The following RAPGEF5 variants were observed in gnomAD, a reference collection of about 807,000 sequenced individuals.
RAPGEF5 encodes Rap guanine nucleotide exchange factor 5, also known as M-Ras-regulated GEF.
A neutral mutation model predicts 125.2 loss-of-function variants in RAPGEF5; 65 were observed. The observed-to-expected ratio is 0.52, with a 90% CI of 0.43 to 0.64. RAPGEF5 has a LOEUF of 0.64. Ranked by LOEUF, RAPGEF5 falls within the 30% of genes least tolerant of loss-of-function variation. The pLI is 0.00. For missense variants in RAPGEF5, 958 were observed against 1,048.1 expected, an observed-to-expected ratio of 0.91 and a Z score of 1.19; for synonymous variants, 391 against 385.9, an observed-to-expected ratio of 1.01 and a Z score of -0.16.
chr7:22,327,412 T>C (rs1307343189), intron 1 of RAPGEF5, among the ~76,000 whole-genome samples: 3 of 152,254 alleles, frequency 2.0e-5, no homozygotes, highest in Non-Finnish European at 4.4e-5. Context: ...TACTTATAAA[T>C]GTCCAGTGTC....
chr7:22,294,082 C>G (rs1168841178), intron 5 of RAPGEF5, among the ~76,000 whole-genome samples: 1 of 152,004 alleles, frequency 6.6e-6, no homozygotes, highest in Non-Finnish European at 1.5e-5. Context: ...TGCATGTTTT[C>G]CATTATTACT....
At chr7:22,157,290 TTCA>T in intron 15 of RAPGEF5, among the ~76,000 whole-genome samples, 1 of 152,212 alleles carries the variant, frequency 6.6e-6, no homozygotes, top group South Asian at 2.1e-4. Context: ...TTGAGATGGT[TTCA>T]GTACCTCTGC....
At chr7:22,341,221 G>A (rs1395579951) in intron 1 of RAPGEF5, among the ~76,000 whole-genome samples, 2 of 152,198 alleles carry the variant, frequency 1.3e-5, no homozygotes, top group African/African-American at 4.8e-5. Context: ...GCAGACAAGA[G>A]AAAAGAGCTT....
intron 16 of RAPGEF5, 30 bp from the exon 17 acceptor site, chr7:22,154,634 CAG>C: frequency 6.2e-7 from 1 of 1,607,702 alleles, no homozygotes; most frequent in Non-Finnish European, 8.5e-7. Context: ...TGTTTGGAAA[CAG>C]AGAACAGTGG....
chr7:22,200,790 C>G (rs1310995556), intron 9 of RAPGEF5, among the ~76,000 whole-genome samples: 1 of 152,160 alleles, frequency 6.6e-6, no homozygotes, highest in East Asian at 1.9e-4. Context: ...ACCCTAAAAC[C>G]AGAGCAAGCC....
At chr7:22,134,406 T>TA (rs1379804755) in intron 23 of RAPGEF5, among the ~76,000 whole-genome samples, 6 of 152,086 alleles carry the variant, frequency 3.9e-5, no homozygotes, top group Non-Finnish European at 5.9e-5. Context: ...GTGTTTTCAG[T>TA]AAAAAAAGGG....
intron 4 of RAPGEF5, among the ~76,000 whole-genome samples, chr7:22,309,028 C>T (rs1368199572): frequency 6.6e-6 from 1 of 152,124 alleles, no homozygotes; most frequent in Non-Finnish European, 1.5e-5. Flanking sequence ...AAAAACCCTA[C>T]AATGTACGGG....
At position 22,219,892 on chromosome 7, in the gene RAPGEF5, T is replaced by G. The variant is rs574689881; in HGVS notation, c.970A>C (p.Lys324Gln). 1.2e-6 allele frequency: 2 copies of G among 1,612,782 alleles called. No homozygotes were observed. The highest frequency in any genetic ancestry group is 2.7e-5 in the African/African-American group (2 of 74,926). ...TGTTCAGACTTCTCCTGTTCTTTTTTGTCCGTCTGCAAAAACTGATAGTTT... is the reference window on the plus strand; with the variant it reads ...TGTTCAGACTTCTCCTGTTCTTTTTGGTCCGTCTGCAAAAACTGATAGTTT... ...KENYQFLQTDKKEQEKSEHQD... is the reference protein window; with the variant it reads ...KENYQFLQTDQKEQEKSEHQD... The change falls in exon 9 of 26, where the codon AAA becomes CAA. Residue 324 changes from lysine to glutamine, a missense_variant. Lys to Gln is a moderately conservative substitution (Grantham distance 53). Coordinates refer to ENST00000665637, the MANE Select transcript of RAPGEF5 (RefSeq NM_012294.5).
intron 7 of RAPGEF5, among the ~76,000 whole-genome samples, chr7:22,244,893 G>C (rs1025644272): frequency 6.6e-6 from 1 of 152,138 alleles, no homozygotes; most frequent in African/African-American, 2.4e-5. Flanking sequence ...AGTTTTTTGA[G>C]GAAACTCCAT....
At chr7:22,198,394 A>G (rs1785201791) in intron 9 of RAPGEF5, among the ~76,000 whole-genome samples, 1 of 152,338 alleles carries the variant, frequency 6.6e-6, no homozygotes, top group South Asian at 2.1e-4. Context: ...ACACTGGACA[A>G]TGTCAAAGCT....
intron 7 of RAPGEF5, among the ~76,000 whole-genome samples, chr7:22,249,441 C>T (rs1168219062): frequency 3.9e-5 from 6 of 152,086 alleles, no homozygotes; most frequent in Admixed American, 1.3e-4. Context: ...CTCTCCACCT[C>T]GGCTTCCCAA....
At chr7:22,234,045 C>T in intron 7 of RAPGEF5, among the ~76,000 whole-genome samples, 1 of 152,102 alleles carries the variant, frequency 6.6e-6, no homozygotes, top group East Asian at 1.9e-4. Flanking sequence ...GCGTAAATAA[C>T]ATTATTTTCT....
At chr7:22,314,756 A>G (rs1210530606) in intron 3 of RAPGEF5, 1 of 471,928 alleles carries the variant, frequency 2.1e-6, no homozygotes, top group African/African-American at 2.1e-5. Flanking sequence ...CTAATAATTT[A>G]CTTTTGGTTT....
intron 3 of RAPGEF5, among the ~76,000 whole-genome samples, chr7:22,314,167 T>G (rs867875115): frequency 5.3e-5 from 8 of 152,320 alleles, no homozygotes; most frequent in Middle Eastern, 3.4e-3. Flanking sequence ...GCTCAATTAA[T>G]GGCTCAGAAG....
intron 2 of RAPGEF5, among the ~76,000 whole-genome samples, chr7:22,317,240 T>G (rs888179004): frequency 2.7e-4 from 40 of 147,362 alleles, no homozygotes; most frequent in African/African-American, 9.7e-4. Context: ...AACTTTTTTT[T>G]TCTTTTTTTT....
chr7:22,282,025 T>C (rs1031613020), intron 6 of RAPGEF5, among the ~76,000 whole-genome samples: 1 of 152,236 alleles, frequency 6.6e-6, no homozygotes, highest in Non-Finnish European at 1.5e-5. Context: ...CTTTCACTCA[T>C]GCTATTCTTT....
At chr7:22,156,465 A>G (rs76194881) in intron 16 of RAPGEF5, among the ~76,000 whole-genome samples, 3,578 of 152,288 alleles carry the variant, frequency 0.023, 52 homozygotes, top group Middle Eastern at 0.065. Flanking sequence ...TTAGTCATAG[A>G]CAATGGGCTG....
chr7:22,280,907 T>C (rs1221307939), intron 6 of RAPGEF5, among the ~76,000 whole-genome samples: 2 of 152,192 alleles, frequency 1.3e-5, no homozygotes, highest in African/African-American at 2.4e-5. Flanking sequence ...TCATCTCCAA[T>C]GCTGGGGTAA....
At chr7:22,331,669 C>T (rs1167801183) in intron 1 of RAPGEF5, among the ~76,000 whole-genome samples, 9 of 145,662 alleles carry the variant, frequency 6.2e-5, no homozygotes, top group Non-Finnish European at 8.9e-5. Flanking sequence ...AGCGTGAACC[C>T]GGGAGGCGGA....
Sources: allele counts gnomAD v4.1 joint callset (sites outside exome capture counted in the v4.1 genomes callset), GRCh38; gene constraint gnomAD v4.1.1; transcripts MANE v1.5; gene names NCBI Gene and HGNC (gene_info 2026-07-23, HGNC 2026-07-21).